The following CCDC102B variants were observed in gnomAD, a reference collection of about 807,000 sequenced individuals.
CCDC102B encodes the protein coiled-coil domain-containing protein 102B.
A neutral mutation model predicts 57.4 loss-of-function variants in CCDC102B; 75 were observed. The observed-to-expected ratio is 1.31, with a 90% CI of 1.08 to 1.58. CCDC102B has a LOEUF of 1.58. CCDC102B is among the 40% of genes most tolerant of loss of function. The pLI, the probability that CCDC102B is intolerant of heterozygous loss-of-function variation, is 0.00. For missense variants in CCDC102B, 636 were observed against 582.6 expected, an observed-to-expected ratio of 1.09 and a Z score of -0.94; for synonymous variants, 206 against 201.9, an observed-to-expected ratio of 1.02 and a Z score of -0.17.
chr18:69,006,560 T>C (rs547440939), intron 6 of CCDC102B, among the ~76,000 whole-genome samples: 22 of 150,150 alleles, frequency 1.5e-4, no homozygotes, highest in African/African-American at 4.7e-4. Flanking sequence ...TAGTTGGGAC[T>C]ACAGGCACAT....
chr18:68,905,898 G>T (rs200077399), intron 6 of CCDC102B, among the ~76,000 whole-genome samples: 4 of 140,636 alleles, frequency 2.8e-5, no homozygotes, highest in Non-Finnish European at 6.0e-5. Flanking sequence ...GGTTCACGCC[G>T]TTCTCCTGCC....
At chr18:68,884,225 C>T (rs2039794792) in intron 5 of CCDC102B, among the ~76,000 whole-genome samples, 1 of 152,088 alleles carries the variant, frequency 6.6e-6, no homozygotes, top group Non-Finnish European at 1.5e-5. Context: ...ACGGTCATTG[C>T]ACCATTATTC....
At chr18:68,722,580 A>G (rs1431958537) in intron 2 of CCDC102B, among the ~76,000 whole-genome samples, 1 of 152,212 alleles carries the variant, frequency 6.6e-6, no homozygotes, top group African/African-American at 2.4e-5. Context: ...TTTATACAAG[A>G]AAGTAAATTT....
At chr18:68,778,025 C>T (rs970835721) in intron 2 of CCDC102B, among the ~76,000 whole-genome samples, 31 of 152,074 alleles carry the variant, frequency 2.0e-4, no homozygotes, top group African/African-American at 6.8e-4. Flanking sequence ...ATAAGTTTAA[C>T]AAGTGAGGTA....
chr18:68,851,875 T>C (rs1422340777), intron 4 of CCDC102B, among the ~76,000 whole-genome samples: 1 of 152,200 alleles, frequency 6.6e-6, no homozygotes, highest in Non-Finnish European at 1.5e-5. Context: ...GAGCATTCAT[T>C]CTATGAAATA....
At chr18:68,938,097 T>C (rs1283543201) in intron 6 of CCDC102B, among the ~76,000 whole-genome samples, 2 of 151,956 alleles carry the variant, frequency 1.3e-5, no homozygotes, top group African/African-American at 4.8e-5. Flanking sequence ...AGAAAAAAGG[T>C]CTCAACTCAG....
intron 6 of CCDC102B, among the ~76,000 whole-genome samples, chr18:68,933,473 C>T (rs1599713418): frequency 6.6e-6 from 1 of 151,884 alleles, no homozygotes. Context: ...ATGCCCTCCA[C>T]ATCACTTAAT....
chr18:69,053,518 G>T (rs1255049409), intron 7 of CCDC102B, among the ~76,000 whole-genome samples: 1 of 151,638 alleles, frequency 6.6e-6, no homozygotes, highest in Non-Finnish European at 1.5e-5. Context: ...TCATTTTGAG[G>T]TTTATTACTG....
chr18:68,868,946 T>A (rs1370358661), intron 4 of CCDC102B, among the ~76,000 whole-genome samples: 4 of 152,118 alleles, frequency 2.6e-5, no homozygotes, highest in Non-Finnish European at 4.4e-5. Flanking sequence ...TGAGAAATAT[T>A]CAGGTGAAGG....
At chr18:68,840,536 G>C (rs1001306092) in intron 3 of CCDC102B, among the ~76,000 whole-genome samples, 1 of 152,078 alleles carries the variant, frequency 6.6e-6, no homozygotes, top group Non-Finnish European at 1.5e-5. Context: ...ATTCCTAATA[G>C]AGGCAACCAA....
intron 6 of CCDC102B, among the ~76,000 whole-genome samples, chr18:68,958,239 A>G (rs572006643): frequency 1.3e-5 from 2 of 152,316 alleles, no homozygotes; most frequent in South Asian, 4.1e-4. Context: ...AGATTTGGGT[A>G]GGGACAGAGC....
At chr18:68,869,093 G>A (rs1599603766) in intron 4 of CCDC102B, among the ~76,000 whole-genome samples, 1 of 152,182 alleles carries the variant, frequency 6.6e-6, no homozygotes, top group South Asian at 2.1e-4. Context: ...GAAACGAGAA[G>A]AAAAATGTAA....
intron 2 of CCDC102B, among the ~76,000 whole-genome samples, chr18:68,770,063 A>G (rs2034590331): frequency 6.6e-6 from 1 of 152,194 alleles, no homozygotes; most frequent in African/African-American, 2.4e-5. Flanking sequence ...AGCAGAGACC[A>G]TATGAACTTT....
At chr18:68,746,186 A>G (rs1279026315) in intron 2 of CCDC102B, among the ~76,000 whole-genome samples, 1 of 152,220 alleles carries the variant, frequency 6.6e-6, no homozygotes, top group Non-Finnish European at 1.5e-5. Context: ...CAACCTTTCA[A>G]TATATTACTG....
At chr18:68,766,016 A>T (rs899110) in intron 2 of CCDC102B, among the ~76,000 whole-genome samples, 64,415 of 151,938 alleles carry the variant, frequency 0.42, 14,310 homozygotes, top group Non-Finnish European at 0.5. Flanking sequence ...TCCATAAAAA[A>T]TTTTAAAACA....
At chr18:69,038,393 A>C (rs1458806545) in intron 7 of CCDC102B, among the ~76,000 whole-genome samples, 1 of 152,022 alleles carries the variant, frequency 6.6e-6, no homozygotes, top group Non-Finnish European at 1.5e-5. Context: ...GTTCCAATAC[A>C]TAATGAATAA....
intron 4 of CCDC102B, among the ~76,000 whole-genome samples, chr18:68,865,378 G>A (rs903986015): frequency 1.3e-5 from 2 of 151,968 alleles, no homozygotes; most frequent in African/African-American, 4.8e-5. Flanking sequence ...TTTGTTATAG[G>A]CATCTACAAT....
At chr18:68,959,002 G>A (rs1331934492) in intron 6 of CCDC102B, among the ~76,000 whole-genome samples, 3 of 152,214 alleles carry the variant, frequency 2.0e-5, no homozygotes, top group African/African-American at 4.8e-5. Context: ...ATTGGTCACT[G>A]GCTGCTTGTG....
At chr18:68,852,792 AT>A in intron 4 of CCDC102B, among the ~76,000 whole-genome samples, 1 of 152,264 alleles carries the variant, frequency 6.6e-6, no homozygotes, top group Non-Finnish European at 1.5e-5. Flanking sequence ...TGGTTGATTT[AT>A]TTTTAATTTT....
Sources: allele counts gnomAD v4.1 joint callset (sites outside exome capture counted in the v4.1 genomes callset), GRCh38; gene constraint gnomAD v4.1.1; transcripts MANE v1.5; gene names NCBI Gene and HGNC (gene_info 2026-07-23, HGNC 2026-07-21).